LIFR: variants seen among roughly 807,000 people sequenced by gnomAD.
The protein encoded by LIFR is LIF receptor subunit alpha.
A neutral mutation model predicts 122.2 loss-of-function variants in LIFR; 84 were observed. The observed-to-expected ratio is 0.69, with a 90% CI of 0.58 to 0.82. LIFR has a LOEUF of 0.82. LIFR is among the 40% of genes least tolerant of loss of function. The pLI is 0.00. For synonymous variants in LIFR, 422 were observed against 434.7 expected (o/e 0.97, Z 0.36); for missense variants, 1,294 against 1,311.6 (o/e 0.99, Z 0.21).
chr5:38,511,829 C>T lies in LIFR; in HGVS notation c.697G>A (p.Glu233Lys), dbSNP rs764460986. 50 of 1,613,924 alleles carry T rather than the reference C, an allele frequency of 3.1e-5. No homozygotes were observed. Among genetic ancestry groups the T allele is most frequent in the South Asian group, 1.6e-4 (15 of 91,080 alleles). Residue 233 changes from glutamate (E) to lysine (K), a missense_variant, in exon 6 of 20, where the codon GAA becomes AAA. Glu to Lys is a moderately conservative substitution (Grantham distance 56). Transcript: ENST00000453190. ...YIDNLHFSGL[E>K]EWSDWSPVKN... ...ACAGGGCTCCAGTCACTCCACTCTTCGAGACCAGAAAAATGAAGATTGTCA... is the reference window on the plus strand; with the variant it reads ...ACAGGGCTCCAGTCACTCCACTCTTTGAGACCAGAAAAATGAAGATTGTCA...
At chr5:38,566,064 C>CA (rs1749014402) in intron 1 of LIFR, among the ~76,000 whole-genome samples, 1 of 151,410 alleles carries the variant, frequency 6.6e-6, no homozygotes. Flanking sequence ...CCTGAGTTGC[C>CA]AAAAAAGAAA....
rs551807861 is a variant in LIFR, at chr5:38,526,599, G to A, written c.397+556C>T. 8.5e-5 allele frequency among the ~76,000 whole-genome samples: 13 copies of A among 152,186 alleles called. No homozygotes were observed. The South Asian group carries it at 2.7e-3, about 32-fold the overall frequency. ...ATACATGCATTGCAGAGCTTCTCTTGCACACAGTAGGTGCTCAAAGATTTG... is the reference window on the plus strand; with the variant it reads ...ATACATGCATTGCAGAGCTTCTCTTACACACAGTAGGTGCTCAAAGATTTG... On this transcript the variant is annotated intron_variant, in intron 4 of 19. Transcript: ENST00000453190.
At chr5:38,598,224 T>C (rs572955378), upstream of LIFR, among the ~76,000 whole-genome samples, 4 of 64,676 alleles carry the variant, frequency 6.2e-5, no homozygotes, top group Admixed American at 2.7e-4. Flanking sequence ...TTTTTTTTTT[T>C]TTTTTTTTAT....
At chr5:38,490,357 T>TC (rs1249316201) in intron 14 of LIFR, 66 bp from the exon 15 acceptor site, 11 of 728,884 alleles carry the variant, frequency 1.5e-5, no homozygotes, top group African/African-American at 3.6e-5. Context: ...TTTAGAAACA[T>TC]CAAGTTCATA....
Position 38,476,838 on chromosome 5 carries a change from C to T in LIFR, c.*4757G>A. The T allele has an allele frequency of 4.7e-6, 1 of 212,620 alleles. No homozygotes were observed. 13.2% of individuals were successfully genotyped at this position (212,620 alleles called of 1,614,324 possible). A position where few individuals can be genotyped will look rare whatever the true frequency, so the allele number is the denominator to read the frequency against. On this transcript the variant is annotated 3_prime_UTR_variant, in exon 20 of 20. Coordinates refer to ENST00000453190, the MANE Select transcript of LIFR (RefSeq NM_001127671.2). ...TTTTAATTCTCATGAAAATGTTGCA[C>T]AGTTAGAATTTGTCTTGCATAGGTA...
intron 1 of LIFR, among the ~76,000 whole-genome samples, chr5:38,593,063 C>T (rs1476951021): frequency 6.6e-6 from 1 of 151,934 alleles, no homozygotes; most frequent in Non-Finnish European, 1.5e-5. Context: ...ATTAGCCAGG[C>T]ATGGTGGTGC....
intron 2 of LIFR, among the ~76,000 whole-genome samples, chr5:38,604,268 C>A (rs1408804770): frequency 6.6e-6 from 1 of 152,102 alleles, no homozygotes; most frequent in African/African-American, 2.4e-5. Context: ...AACTCCCAGA[C>A]CTGTGGAGAG....
chr5:38,553,759 A>G (rs931247724), intron 1 of LIFR, among the ~76,000 whole-genome samples: 26 of 148,936 alleles, frequency 1.7e-4, no homozygotes, highest in African/African-American at 5.2e-4. Context: ...AAAATACTGA[A>G]GCTCAACATT....
At chr5:38,532,980 C>T (rs1186150972) in intron 1 of LIFR, among the ~76,000 whole-genome samples, 1 of 152,144 alleles carries the variant, frequency 6.6e-6, no homozygotes, top group South Asian at 2.1e-4. Flanking sequence ...TATGCAGGGG[C>T]AAAGCAAGTA....
chr5:38,475,095 A>G lies in LIFR; in HGVS notation c.*6500T>C. Reference sequence around the variant, plus strand: ...AGCCAAGCATACTAGTTTTACATTTATGGTGTTTTAGTAATAGATTATTTT... The same window carrying G: ...AGCCAAGCATACTAGTTTTACATTTGTGGTGTTTTAGTAATAGATTATTTT... On this transcript the variant is annotated 3_prime_UTR_variant, in exon 20 of 20. Transcript: ENST00000453190. The G allele has an allele frequency of 5.6e-6, 1 of 179,618 alleles. No homozygotes were observed. The highest frequency in any genetic ancestry group is 1.2e-5 in the Non-Finnish European group (1 of 83,804). 11.1% of individuals were successfully genotyped at this position (179,618 alleles called of 1,614,324 possible). A position where few individuals can be genotyped will look rare whatever the true frequency, so the allele number is the denominator to read the frequency against.
In LIFR at chr5:38,585,832, G is replaced by A. The variant is rs77846162; in HGVS notation, c.-20+9429C>T. ...ATAAGTCAATGGCAAAATATTGTCC[G>A]TAAGTTCCCTTGCTAGCTAGGCTAT... On this transcript the variant is annotated intron_variant, in intron 1 of 19. Transcript: ENST00000263409. Among the ~76,000 whole-genome samples, 39 of 151,768 alleles carry A rather than the reference G, an allele frequency of 2.6e-4. No homozygotes were observed. The East Asian group carries it at 6.2e-3, about 24-fold the overall frequency.
At chr5:38,598,726 G>A, upstream of LIFR, among the ~76,000 whole-genome samples, 1 of 152,072 alleles carries the variant, frequency 6.6e-6, no homozygotes, top group South Asian at 2.1e-4. Flanking sequence ...ACACTGGGCT[G>A]CTTACCCCTT....
chr5:38,493,754 C>G lies in LIFR; in HGVS notation c.1917G>C (p.Met639Ile). The change falls in exon 14 of 20, where the codon ATG becomes ATC. Residue 639 changes from methionine to isoleucine, a missense_variant. Transcript: ENST00000453190. ...GCCAGGTGAGGAGAATCCCCTTTCC[C>G]ATCCCAACAACTTGTTCTATTTTGA... is the stretch of plus-strand genomic sequence containing the variant. ...DDLKIEQVVG[M>I]GKGILLTWHY... 2 of 1,614,086 alleles carry G rather than the reference C, an allele frequency of 1.2e-6. No homozygotes were observed. The highest frequency in any genetic ancestry group is 1.7e-6 in the Non-Finnish European group (2 of 1,179,990).
At chr5:38,576,067 A>C (rs1490409518) in intron 1 of LIFR, among the ~76,000 whole-genome samples, 2 of 152,162 alleles carry the variant, frequency 1.3e-5, no homozygotes, top group African/African-American at 4.8e-5. Context: ...TGCTGGGCCC[A>C]CATACTAATG....
intron 5 of LIFR, among the ~76,000 whole-genome samples, chr5:38,519,363 G>A (rs558444751): frequency 2.6e-5 from 4 of 152,246 alleles, no homozygotes; most frequent in African/African-American, 9.6e-5. Context: ...GTATTTATGG[G>A]ATACATGTGA....
intron 1 of LIFR, among the ~76,000 whole-genome samples, chr5:38,568,260 CAG>C (rs1295552994): frequency 2.6e-5 from 4 of 152,138 alleles, no homozygotes; most frequent in African/African-American, 4.8e-5. Context: ...TAGAGAATGA[CAG>C]GGGTTTCTAT....
Position 38,501,594 on chromosome 5 carries a change from A to G in LIFR, c.1600+1043T>C, listed in dbSNP as rs542984398. Among the ~76,000 whole-genome samples the G allele has an allele frequency of 2.0e-4, 31 of 152,238 alleles. 1 individual carries two copies. The South Asian group carries it at 6.4e-3, about 32-fold the overall frequency. On this transcript the variant is annotated intron_variant, in intron 11 of 19. Coordinates refer to ENST00000453190, the MANE Select transcript of LIFR (RefSeq NM_001127671.2). The stretch of plus-strand genomic sequence containing the variant: ...CGGTGAAACCCCATCTCTACTAAAA[A>G]TACAAAAATTAGCCGGGCGTGGTGG...
In LIFR at chr5:38,570,245, A is replaced by G. The variant is rs147011531; in HGVS notation, c.-20+25016T>C. Among the ~76,000 whole-genome samples, 610 of 152,266 alleles carry G rather than the reference A, an allele frequency of 4.0e-3. 8 individuals carry two copies. Among genetic ancestry groups the G allele is most frequent in the African/African-American group, 0.014 (565 of 41,560 alleles). ...CATTTAGAACAGTGGCTGCTATTTA[A>G]TAAGTACATGTAAGTGTTGGCTTAT... On this transcript the variant is annotated intron_variant, in intron 1 of 19. Transcript: ENST00000263409.
intron 2 of LIFR, among the ~76,000 whole-genome samples, chr5:38,605,078 G>C (rs185149553): frequency 2.0e-5 from 3 of 152,044 alleles, no homozygotes; most frequent in African/African-American, 7.2e-5. Context: ...ACAGGCCTCC[G>C]AGAGAATAGA....
Sources: gnomAD v4.1 joint callset for allele counts (sites outside exome capture counted in the v4.1 genomes callset) on GRCh38, gnomAD v4.1.1 for gene constraint, MANE v1.5 for transcripts, NCBI Gene and HGNC (gene_info 2026-07-23, HGNC 2026-07-21) for gene names.